DLG2: variants seen among roughly 807,000 people sequenced by gnomAD.
DLG2 encodes the protein discs large MAGUK scaffold protein 2, also known as disks large homolog 2.
Under a neutral mutation model 132.5 loss-of-function variants are expected in DLG2, and 45 were observed. The observed-to-expected ratio is 0.34, with a 90% CI of 0.27 to 0.44. DLG2 has a LOEUF of 0.44. DLG2 is among the 20% of genes least tolerant of loss of function. The probability of loss-of-function intolerance (pLI) is 1.00; values close to 1 mark genes in which losing one functional copy is unlikely to be tolerated. For missense variants in DLG2, 1,045 were observed against 1,196.9 expected (o/e 0.87, Z 1.87); for synonymous variants, 424 against 419.6 (o/e 1.01, Z -0.13).
chr11:84,248,156 A>G (rs2154348406), intron 8 of DLG2, among the ~76,000 whole-genome samples: 1 of 152,284 alleles, frequency 6.6e-6, no homozygotes, highest in East Asian at 1.9e-4. Context: ...AACAAAGGGG[A>G]GAGTTGGGAC....
chr11:84,106,979 G>GGTGTGTGT (rs35530888), intron 9 of DLG2, among the ~76,000 whole-genome samples: 4 of 105,328 alleles, frequency 3.8e-5, no homozygotes, highest in Admixed American at 1.8e-4. Flanking sequence ...TTAGCCTTAG[G>GGTGTGTGT]GTGTGTGTGT....
intron 19 of DLG2, among the ~76,000 whole-genome samples, chr11:83,597,287 A>G (rs1343986127): frequency 6.6e-6 from 1 of 151,856 alleles, no homozygotes; most frequent in Non-Finnish European, 1.5e-5. Context: ...CTCTAATTCA[A>G]CTCTGTGCCT....
intron 8 of DLG2, among the ~76,000 whole-genome samples, chr11:84,232,677 C>G (rs2097109057): frequency 6.6e-6 from 1 of 152,156 alleles, no homozygotes. Flanking sequence ...TATCTGCAAA[C>G]CAGCAAGACA....
intron 6 of DLG2, among the ~76,000 whole-genome samples, chr11:84,724,342 T>G (rs1033229821): frequency 4.6e-5 from 7 of 152,186 alleles, no homozygotes; most frequent in African/African-American, 1.2e-4. Flanking sequence ...TTCAGAAAAT[T>G]TGCTCTTCTA....
intron 6 of DLG2, among the ~76,000 whole-genome samples, chr11:85,066,584 A>G (rs573477035): frequency 6.6e-6 from 1 of 151,794 alleles, no homozygotes; most frequent in Admixed American, 6.6e-5. Flanking sequence ...AATTAAAAAG[A>G]TAATACACCA....
intron 18 of DLG2, among the ~76,000 whole-genome samples, chr11:83,751,056 T>C (rs2093273543): frequency 6.6e-6 from 1 of 152,194 alleles, no homozygotes; most frequent in Non-Finnish European, 1.5e-5. Flanking sequence ...ATTGATAGTG[T>C]TCAATGTAAA....
intron 21 of DLG2, among the ~76,000 whole-genome samples, chr11:83,488,234 GCAAT>G (rs2093639103): frequency 6.6e-6 from 1 of 151,822 alleles, no homozygotes; most frequent in Non-Finnish European, 1.5e-5. Context: ...TCCAACCCTC[GCAAT>G]CAATTAGATC....
chr11:84,349,011 A>G (rs1237101209), intron 7 of DLG2, among the ~76,000 whole-genome samples: 4 of 152,210 alleles, frequency 2.6e-5, no homozygotes, highest in African/African-American at 9.6e-5. Flanking sequence ...CCATTGCTTA[A>G]GCCACCAATT....
In DLG2 at chr11:85,285,245, T is replaced by C. The variant is rs140659240; in HGVS notation, c.161A>G (p.His54Arg). The C allele has an allele frequency of 6.2e-7, 1 of 1,611,788 alleles. No homozygotes were observed. Among genetic ancestry groups the C allele is most frequent in the Non-Finnish European group, 8.5e-7 (1 of 1,178,490 alleles). The change falls in exon 4 of 28, where the codon CAT becomes CGT. Residue 54 changes from histidine (H) to arginine (R), a missense_variant. Around this residue, in one of 4 missense-constraint regions of DLG2, gnomAD observed 277 missense variants for 238.2 expected, o/e 1.16. Coordinates refer to ENST00000376104, the MANE Select transcript of DLG2 (RefSeq NM_001142699.3). ...WEKTSLLAPC[H>R]DRLQKSSELT... ...CTCTGAAGATTTTTGAAGTCTGTCATGGCACGGAGCAAGAAGGGATGTCTT... is the reference window on the plus strand; with the variant it reads ...CTCTGAAGATTTTTGAAGTCTGTCACGGCACGGAGCAAGAAGGGATGTCTT...
chr11:84,105,117 G>A (rs1465161473), intron 9 of DLG2, among the ~76,000 whole-genome samples: 1 of 152,102 alleles, frequency 6.6e-6, no homozygotes, highest in Non-Finnish European at 1.5e-5. Context: ...CAATGGTAGG[G>A]AAGTAATACA....
intron 6 of DLG2, among the ~76,000 whole-genome samples, chr11:85,077,850 T>A (rs2066752181): frequency 6.6e-6 from 1 of 152,046 alleles, no homozygotes; most frequent in South Asian, 2.1e-4. Flanking sequence ...CCATTATATA[T>A]GACCAAGACA....
At chr11:84,065,953 T>A (rs1427447463) in intron 10 of DLG2, among the ~76,000 whole-genome samples, 6 of 152,082 alleles carry the variant, frequency 3.9e-5, no homozygotes. Flanking sequence ...TCCTAAGCAA[T>A]CTAACACAGG....
At chr11:84,781,417 G>C (rs1430402296) in intron 6 of DLG2, among the ~76,000 whole-genome samples, 1 of 151,936 alleles carries the variant, frequency 6.6e-6, no homozygotes, top group African/African-American at 2.4e-5. Context: ...TCCTCCCTGA[G>C]TTGATTTCAT....
intron 19 of DLG2, among the ~76,000 whole-genome samples, chr11:83,592,336 C>A (rs1422246715): frequency 1.4e-5 from 2 of 146,996 alleles, no homozygotes; most frequent in Non-Finnish European, 3.0e-5. Context: ...AGAAATAACA[C>A]CGCATATCTA....
chr11:85,388,882 A>C (rs1359400964), intron 3 of DLG2, among the ~76,000 whole-genome samples: 1 of 152,152 alleles, frequency 6.6e-6, no homozygotes, highest in Non-Finnish European at 1.5e-5. Context: ...CCTTCTGACA[A>C]AGTCTACTCA....
chr11:85,172,443 A>G (rs75954163), intron 4 of DLG2, among the ~76,000 whole-genome samples: 5 of 152,220 alleles, frequency 3.3e-5, no homozygotes, highest in African/African-American at 1.2e-4. Context: ...GAAAGACCCC[A>G]CAAAAACCCC....
chr11:85,395,891 G>C (rs1003877549), intron 3 of DLG2, among the ~76,000 whole-genome samples: 3 of 152,322 alleles, frequency 2.0e-5, no homozygotes, highest in African/African-American at 7.2e-5. Flanking sequence ...ATCCCTGTCT[G>C]ACAGCTCTGA....
At chr11:84,549,539 T>C (rs2099397465) in intron 6 of DLG2, among the ~76,000 whole-genome samples, 1 of 152,190 alleles carries the variant, frequency 6.6e-6, no homozygotes, top group Non-Finnish European at 1.5e-5. Flanking sequence ...GCTCAGTTCC[T>C]GGGTTTAAAT....
In DLG2 at chr11:84,745,036, A is replaced by C. The variant is rs183953677; in HGVS notation, c.358-210305T>G. On this transcript the variant is annotated intron_variant, in intron 6 of 27. Coordinates refer to ENST00000376104, the MANE Select transcript of DLG2 (RefSeq NM_001142699.3). ...ACTAGGAATAAAGGTGAAAAAAAAA[A>C]CCCTGAAAATACTAATAGTTATACC... Among the ~76,000 whole-genome samples, 923 of 152,052 alleles carry C rather than the reference A, an allele frequency of 6.1e-3. 4 individuals carry two copies. The highest frequency in any genetic ancestry group is 0.01 in the Non-Finnish European group (695 of 67,932).
Sources: allele counts gnomAD v4.1 joint callset (sites outside exome capture counted in the v4.1 genomes callset), GRCh38; gene constraint gnomAD v4.1.1; regional missense constraint gnomAD v4.1.1; transcripts MANE v1.5; gene names NCBI Gene and HGNC (gene_info 2026-07-23, HGNC 2026-07-21).